NRG1: variants seen among roughly 807,000 people sequenced by gnomAD.
The protein encoded by NRG1 is pro-neuregulin-1, membrane-bound isoform.
In NRG1, 18 loss-of-function variants were observed where a neutral mutation model predicts 63.8. The ratio of observed to expected loss-of-function variants is 0.28; its 90% confidence interval spans 0.19 to 0.42. The LOEUF is 0.42. NRG1 is among the 10% of genes least tolerant of loss of function. The pLI, the probability that NRG1 is intolerant of heterozygous loss-of-function variation, is 1.00. For synonymous variants in NRG1, 302 were observed against 301.3 expected (o/e 1.00, Z -0.02); for missense variants, 762 against 814.7 (o/e 0.94, Z 0.79).
At chr8:31,669,821 G>A (rs576089416) in intron 1 of NRG1, among the ~76,000 whole-genome samples, 1 of 152,160 alleles carries the variant, frequency 6.6e-6, no homozygotes, top group Non-Finnish European at 1.5e-5. Context: ...TTTTTCCCTT[G>A]GGGACATTGA....
At chr8:32,091,727 G>T (rs1487771580) in intron 1 of NRG1, among the ~76,000 whole-genome samples, 1 of 152,168 alleles carries the variant, frequency 6.6e-6, no homozygotes, top group African/African-American at 2.4e-5. Flanking sequence ...AGCCAAAGGG[G>T]AGAAGGGACA....
At chr8:32,352,155 G>GAA in intron 1 of NRG1, among the ~76,000 whole-genome samples, 2 of 143,478 alleles carry the variant, frequency 1.4e-5, no homozygotes, top group East Asian at 2.2e-4. Flanking sequence ...CAATTTGCGG[G>GAA]ATTACGACAG....
rs532731683 is a variant in NRG1, at chr8:32,225,257, A to T, written c.38-370571A>T. Among the ~76,000 whole-genome samples, 87 of 152,302 alleles carry T rather than the reference A, an allele frequency of 5.7e-4. No homozygotes were observed. The South Asian group carries it at 0.014, about 24-fold the overall frequency. ...GGACAAAGTAGTTACTGCACGGCTA[A>T]CTGCAACTCTTCATTTAAATATTTC... On this transcript the variant is annotated intron_variant, in intron 1 of 10. Coordinates refer to the NRG1 transcript ENST00000519301.
intron 1 of NRG1, among the ~76,000 whole-genome samples, chr8:32,319,304 C>T: frequency 6.6e-6 from 1 of 152,194 alleles, no homozygotes; most frequent in Admixed American, 6.5e-5. Flanking sequence ...GAATTCCTTT[C>T]TGCCTTTCCT....
At chr8:32,085,022 A>G (rs570498982) in intron 1 of NRG1, among the ~76,000 whole-genome samples, 5 of 152,314 alleles carry the variant, frequency 3.3e-5, no homozygotes, top group African/African-American at 9.6e-5. Flanking sequence ...TAGCACAACA[A>G]CTACACATAT....
rs1020341167 is a variant in NRG1 at position 32,654,010 on chromosome 8, A to T, written c.502+37125A>T. Among the ~76,000 whole-genome samples the T allele has an allele frequency of 3.3e-5, 5 of 152,010 alleles. No homozygotes were observed. In the East Asian group the frequency reaches 9.7e-4, roughly 29 times the overall value. On this transcript the variant is annotated intron_variant, in intron 5 of 11. Transcript: ENST00000356819. ...TTCAAAGGGTGTTTCTGAATAATAT[A>T]ACTAGTATCTTATAATCATAGAATT...
chr8:32,608,796 G>A (rs1374077770), intron 3 of NRG1, among the ~76,000 whole-genome samples: 3 of 151,976 alleles, frequency 2.0e-5, no homozygotes, highest in African/African-American at 4.8e-5. Context: ...TTCAGACTCC[G>A]CCTCTTTATA....
upstream of NRG1, among the ~76,000 whole-genome samples, chr8:32,543,621 C>T (rs966888024): frequency 3.3e-5 from 5 of 152,104 alleles, no homozygotes; most frequent in African/African-American, 1.2e-4. Context: ...CATGACACTA[C>T]AATCCTGACA....
chr8:32,115,161 G>A (rs897911737), intron 1 of NRG1, among the ~76,000 whole-genome samples: 1 of 151,902 alleles, frequency 6.6e-6, no homozygotes, highest in Non-Finnish European at 1.5e-5. Flanking sequence ...CTCCCAAGTA[G>A]CTGGAATTAC....
At chr8:32,748,957 G>A in intron 7 of NRG1, 1 of 220,394 alleles carries the variant, frequency 4.5e-6, no homozygotes, top group East Asian at 1.6e-4. Context: ...ATTAGAAGAA[G>A]TAAAAGAGAT....
chr8:32,022,402 T>TA (rs1333831037), intron 1 of NRG1, among the ~76,000 whole-genome samples: 8 of 152,160 alleles, frequency 5.3e-5, no homozygotes, highest in Admixed American at 4.6e-4. Flanking sequence ...ATGCCAAGCT[T>TA]AAAAAATCAG....
Position 32,626,244 on chromosome 8 carries a change from T to G in NRG1, c.502+9359T>G, listed in dbSNP as rs370654222. Among the ~76,000 whole-genome samples the G allele has an allele frequency of 2.7e-5, 4 of 150,194 alleles. No individual in the cohort carries two copies. In the East Asian group the frequency reaches 7.7e-4, roughly 29 times the overall value. ...GGGGAGATAAATAGGAAATAGTCCT[T>G]GGGCTGAAGGAGTTCGCAGCAAAGT... is the stretch of plus-strand genomic sequence containing the variant. On this transcript the variant is annotated intron_variant, in intron 5 of 11. Coordinates refer to ENST00000356819, the Ensembl canonical transcript of NRG1.
intron 1 of NRG1, among the ~76,000 whole-genome samples, chr8:31,857,486 G>A (rs892802759): frequency 3.9e-5 from 6 of 152,162 alleles, no homozygotes; most frequent in Admixed American, 1.3e-4. Context: ...CAGGGTATGC[G>A]CACCCACTGA....
intron 1 of NRG1, among the ~76,000 whole-genome samples, chr8:32,407,186 T>G (rs1229361089): frequency 6.6e-6 from 1 of 150,430 alleles, no homozygotes. Context: ...ATAAAATTAG[T>G]GTACAAATAT....
At chr8:32,170,138 T>A (rs559540560) in intron 1 of NRG1, among the ~76,000 whole-genome samples, 19 of 152,288 alleles carry the variant, frequency 1.2e-4, no homozygotes, top group African/African-American at 4.6e-4. Context: ...AACACTGTGA[T>A]TTCAGACTTC....
At chr8:32,693,495 C>G (rs571794407) in intron 5 of NRG1, among the ~76,000 whole-genome samples, 1 of 149,264 alleles carries the variant, frequency 6.7e-6, no homozygotes, top group African/African-American at 2.5e-5. Flanking sequence ...GGATTACAGG[C>G]GTGAGCCACC....
intron 1 of NRG1, among the ~76,000 whole-genome samples, chr8:32,555,614 G>T (rs1400037257): frequency 6.6e-6 from 1 of 152,140 alleles, no homozygotes; most frequent in Non-Finnish European, 1.5e-5. Context: ...TGGGACTACA[G>T]GCGCCCACCA....
intron 1 of NRG1, among the ~76,000 whole-genome samples, chr8:31,702,412 G>C (rs147305692): frequency 6.6e-6 from 1 of 151,708 alleles, no homozygotes; most frequent in Admixed American, 6.6e-5. Context: ...TACTTTAAAA[G>C]ATAGAATAAA....
At chr8:32,514,470 C>A (rs563192238) in intron 1 of NRG1, among the ~76,000 whole-genome samples, 1 of 152,100 alleles carries the variant, frequency 6.6e-6, no homozygotes, top group Admixed American at 6.5e-5. Flanking sequence ...ATGTAACATA[C>A]AACAAATGTT....
Sources: gnomAD v4.1 joint callset for allele counts (sites outside exome capture counted in the v4.1 genomes callset) on GRCh38, gnomAD v4.1.1 for gene constraint, MANE v1.5 for transcripts, NCBI Gene and HGNC (gene_info 2026-07-23, HGNC 2026-07-21) for gene names.